The following CSMD1 variants were observed in gnomAD, a reference collection of about 807,000 sequenced individuals.
The protein encoded by CSMD1 is CUB and Sushi multiple domains 1.
A neutral mutation model predicts 417.5 loss-of-function variants in CSMD1; 213 were observed. The ratio of observed to expected loss-of-function variants is 0.51; its 90% CI spans 0.46 to 0.57. The LOEUF (loss-of-function observed/expected upper bound fraction) is 0.57. Ranked by LOEUF, CSMD1 falls within the 20% of genes least tolerant of loss-of-function variation. The pLI is 0.00. For missense variants in CSMD1, 6,923 were observed against 4,529.7 expected (o/e 1.53, Z -15.17); for synonymous variants, 2,862 against 1,736.8 (o/e 1.65, Z -16.11).
intron 4 of CSMD1, among the ~76,000 whole-genome samples, chr8:4,019,537 C>T (rs988189838): frequency 1.3e-5 from 2 of 152,170 alleles, no homozygotes; most frequent in Non-Finnish European, 2.9e-5. Flanking sequence ...GAGACATTCC[C>T]CATTCCCTCT....
At chr8:4,044,409 T>C (rs1317855713) in intron 3 of CSMD1, among the ~76,000 whole-genome samples, 3 of 152,170 alleles carry the variant, frequency 2.0e-5, no homozygotes, top group African/African-American at 2.4e-5. Context: ...GTCTACTTTG[T>C]GTCATTCCAA....
intron 1 of CSMD1, among the ~76,000 whole-genome samples, chr8:4,832,222 G>A (rs528726367): frequency 4.2e-4 from 64 of 152,268 alleles, no homozygotes; most frequent in African/African-American, 1.5e-3. Context: ...GAGGTGAGAG[G>A]CTGGGATTTG....
At chr8:4,925,310 A>G (rs1806782743) in intron 1 of CSMD1, among the ~76,000 whole-genome samples, 1 of 145,988 alleles carries the variant, frequency 6.8e-6, no homozygotes, top group South Asian at 2.2e-4. Context: ...TTCCAGACAC[A>G]AGTAGGTGGT....
chr8:3,453,224 C>A (rs979838758), intron 12 of CSMD1, among the ~76,000 whole-genome samples: 1 of 151,978 alleles, frequency 6.6e-6, no homozygotes, highest in African/African-American at 2.4e-5. Flanking sequence ...TATAGTCTTG[C>A]TAGCAGTCTA....
chr8:3,445,615 AAG>A (rs1198660142), intron 12 of CSMD1, among the ~76,000 whole-genome samples: 4 of 152,148 alleles, frequency 2.6e-5, no homozygotes, highest in Non-Finnish European at 5.9e-5. Context: ...AGAAGGCCAG[AAG>A]AGAGGCCATT....
chr8:4,178,704 C>G (rs1211077718), intron 3 of CSMD1, among the ~76,000 whole-genome samples: 1 of 152,162 alleles, frequency 6.6e-6, no homozygotes. Context: ...CCCAAAATCT[C>G]CTTAAGCTGA....
chr8:4,253,868 T>C (rs1194659402), intron 3 of CSMD1, among the ~76,000 whole-genome samples: 2 of 151,534 alleles, frequency 1.3e-5, no homozygotes, highest in Non-Finnish European at 2.9e-5. Flanking sequence ...CTGCTGGTCT[T>C]ATCTACAAAG....
chr8:4,568,132 T>C (rs1165336843), intron 2 of CSMD1, among the ~76,000 whole-genome samples: 1 of 152,188 alleles, frequency 6.6e-6, no homozygotes, highest in Non-Finnish European at 1.5e-5. Flanking sequence ...ACATCTAAGA[T>C]GCTTTGTGTG....
intron 50 of CSMD1, among the ~76,000 whole-genome samples, chr8:3,046,007 G>T (rs1334923639): frequency 6.6e-6 from 1 of 152,202 alleles, no homozygotes; most frequent in Admixed American, 6.5e-5. Context: ...CACACACGAT[G>T]TGGGTGGGGC....
chr8:4,503,653 AT>A (rs1424048184), intron 2 of CSMD1, among the ~76,000 whole-genome samples: 2 of 152,032 alleles, frequency 1.3e-5, no homozygotes, highest in Non-Finnish European at 2.9e-5. Context: ...CCAACACATG[AT>A]TTTTTGCTAA....
intron 12 of CSMD1, among the ~76,000 whole-genome samples, chr8:3,435,318 G>C (rs560884165): frequency 5.5e-4 from 83 of 152,246 alleles, no homozygotes; most frequent in African/African-American, 2.0e-3. Context: ...TGAAGCATGG[G>C]GCAGAGGGGC....
chr8:4,045,424 G>T (rs1260267088), intron 3 of CSMD1, among the ~76,000 whole-genome samples: 1 of 152,202 alleles, frequency 6.6e-6, no homozygotes. Context: ...AGTGGCCACA[G>T]CAGTAGAAAT....
chr8:4,700,140 T>A (rs1337462424), intron 1 of CSMD1, among the ~76,000 whole-genome samples: 3 of 152,102 alleles, frequency 2.0e-5, no homozygotes, highest in African/African-American at 7.2e-5. Context: ...TAATTTTTAT[T>A]TTTAACTGAC....
chr8:4,262,191 G>A (rs1277610084), intron 3 of CSMD1, among the ~76,000 whole-genome samples: 1 of 152,048 alleles, frequency 6.6e-6, no homozygotes, highest in East Asian at 1.9e-4. Context: ...GACTCTCTTG[G>A]GTGAATTTCA....
intron 2 of CSMD1, among the ~76,000 whole-genome samples, chr8:4,433,053 T>G (rs1242594373): frequency 1.3e-5 from 2 of 151,976 alleles, no homozygotes; most frequent in African/African-American, 4.8e-5. Context: ...GGGATCGAGG[T>G]TGCACACTCT....
chr8:4,353,657 C>A (rs1235932049), intron 3 of CSMD1, among the ~76,000 whole-genome samples: 1 of 152,124 alleles, frequency 6.6e-6, no homozygotes, highest in Non-Finnish European at 1.5e-5. Context: ...CCTTCTCAAT[C>A]TGCCTTTACT....
chr8:4,324,459 C>T (rs1342150128), intron 3 of CSMD1, among the ~76,000 whole-genome samples: 1 of 152,170 alleles, frequency 6.6e-6, no homozygotes. Flanking sequence ...CACAGCAAAC[C>T]AAGCTTCTTT....
At chr8:4,547,922 AAAC>A (rs1797702403) in intron 2 of CSMD1, among the ~76,000 whole-genome samples, 1 of 152,210 alleles carries the variant, frequency 6.6e-6, no homozygotes, top group Non-Finnish European at 1.5e-5. Context: ...AAGGCCGAGA[AAAC>A]AACTTTGTTT....
chr8:4,320,435 T>C (rs760731655), intron 3 of CSMD1, among the ~76,000 whole-genome samples: 1 of 152,124 alleles, frequency 6.6e-6, no homozygotes, highest in Non-Finnish European at 1.5e-5. Flanking sequence ...GGTAGACACG[T>C]GCCATGATGG....
Sources: gnomAD v4.1 joint callset for allele counts (sites outside exome capture counted in the v4.1 genomes callset) on GRCh38, gnomAD v4.1.1 for gene constraint, MANE v1.5 for transcripts, NCBI Gene and HGNC (gene_info 2026-07-23, HGNC 2026-07-21) for gene names.